The following OPCML variants were observed in gnomAD, a reference collection of about 807,000 sequenced individuals.
OPCML encodes the protein opioid binding protein/cell adhesion molecule like, also known as opioid-binding protein/cell adhesion molecule.
OPCML carries 13 observed loss-of-function variants against 37.8 expected under a neutral mutation model. That is an observed-to-expected ratio of 0.34 (90% CI 0.22 to 0.55). The LOEUF is 0.55. Ranked by LOEUF, OPCML falls within the 20% of genes least tolerant of loss-of-function variation. The pLI, the probability that OPCML is intolerant of heterozygous loss-of-function variation, is 0.91. For synonymous variants in OPCML, 176 were observed against 168.8 expected (o/e 1.04, Z -0.33); for missense variants, 341 against 435.6 (o/e 0.78, Z 1.93).
At chr11:132,776,369 CT>C (rs1187204537) in intron 2 of OPCML, among the ~76,000 whole-genome samples, 1 of 152,154 alleles carries the variant, frequency 6.6e-6, no homozygotes, top group Non-Finnish European at 1.5e-5. Flanking sequence ...AAGACTGTAG[CT>C]GTGATATGGT....
intron 1 of OPCML, among the ~76,000 whole-genome samples, chr11:133,320,160 T>C (rs1201485209): frequency 6.6e-6 from 1 of 152,232 alleles, no homozygotes; most frequent in African/African-American, 2.4e-5. Flanking sequence ...CCCTAATATG[T>C]ACTGAAACTC....
intron 2 of OPCML, among the ~76,000 whole-genome samples, chr11:132,917,172 G>C (rs924920322): frequency 2.0e-5 from 3 of 152,132 alleles, no homozygotes; most frequent in Non-Finnish European, 4.4e-5. Flanking sequence ...TGATTATTAA[G>C]ACACCGTAAC....
chr11:133,400,415 G>T (rs528972674), intron 1 of OPCML, among the ~76,000 whole-genome samples: 1 of 152,112 alleles, frequency 6.6e-6, no homozygotes, highest in Non-Finnish European at 1.5e-5. Flanking sequence ...TGCTCCTTCC[G>T]CTAAATTATT....
intron 3 of OPCML, among the ~76,000 whole-genome samples, chr11:132,586,707 A>C (rs1476921912): frequency 1.3e-5 from 2 of 152,226 alleles, no homozygotes; most frequent in African/African-American, 4.8e-5. Flanking sequence ...TGTGCTCAAT[A>C]GAACAGATGA....
intron 1 of OPCML, among the ~76,000 whole-genome samples, chr11:133,511,573 T>A (rs1031183546): frequency 6.6e-6 from 1 of 152,106 alleles, no homozygotes; most frequent in African/African-American, 2.4e-5. Context: ...GGAATGCCCT[T>A]TCCAAACTCC....
chr11:133,252,542 T>G (rs2136436692), intron 1 of OPCML, among the ~76,000 whole-genome samples: 1 of 152,318 alleles, frequency 6.6e-6, no homozygotes, highest in South Asian at 2.1e-4. Context: ...GTCCCATTTC[T>G]GATTAACTCT....
intron 1 of OPCML, among the ~76,000 whole-genome samples, chr11:133,074,133 C>T (rs764662912): frequency 6.6e-6 from 1 of 152,306 alleles, no homozygotes; most frequent in Non-Finnish European, 1.5e-5. Flanking sequence ...TAAGTCAATC[C>T]ACATTTCTTT....
At chr11:133,202,961 C>G (rs928004799) in intron 1 of OPCML, among the ~76,000 whole-genome samples, 23 of 152,340 alleles carry the variant, frequency 1.5e-4, no homozygotes, top group African/African-American at 4.8e-4. Context: ...TTAGTATCTT[C>G]TGTGTGTCAG....
At chr11:133,161,089 G>A (rs1429255919) in intron 1 of OPCML, among the ~76,000 whole-genome samples, 2 of 152,108 alleles carry the variant, frequency 1.3e-5, no homozygotes, top group Admixed American at 6.5e-5. Flanking sequence ...TCTCTTAATC[G>A]ACTAAAGGGA....
chr11:133,508,522 G>A (rs1211447883), intron 1 of OPCML, among the ~76,000 whole-genome samples: 3 of 152,194 alleles, frequency 2.0e-5, no homozygotes, highest in Non-Finnish European at 4.4e-5. Context: ...ACCTCTGCAA[G>A]CTCAGCAGCC....
intron 2 of OPCML, among the ~76,000 whole-genome samples, chr11:132,911,634 T>C (rs932559598): frequency 6.6e-6 from 1 of 152,180 alleles, no homozygotes; most frequent in Non-Finnish European, 1.5e-5. Context: ...CCATGAGCCT[T>C]GGCATCACAT....
chr11:133,183,576 C>T (rs539935095), intron 1 of OPCML, among the ~76,000 whole-genome samples: 1 of 152,254 alleles, frequency 6.6e-6, no homozygotes, highest in Non-Finnish European at 1.5e-5. Flanking sequence ...CTCTTCCACT[C>T]ATTTATTAAG....
At chr11:133,300,798 A>T (rs1438661391) in intron 1 of OPCML, 1 of 152,248 alleles carries the variant, frequency 6.6e-6, no homozygotes, top group Non-Finnish European at 1.5e-5. Flanking sequence ...GCGTGATTTC[A>T]TAAAGACAGA....
intron 1 of OPCML, among the ~76,000 whole-genome samples, chr11:133,260,492 G>C (rs145073043): frequency 6.6e-6 from 1 of 152,080 alleles, no homozygotes; most frequent in South Asian, 2.1e-4. Flanking sequence ...AGGTGTTGAA[G>C]GTGGAGCTCT....
intron 2 of OPCML, among the ~76,000 whole-genome samples, chr11:132,658,479 G>T (rs1239233901): frequency 1.3e-5 from 2 of 152,300 alleles, no homozygotes; most frequent in South Asian, 2.1e-4. Flanking sequence ...CACCTGGCCT[G>T]CATGGCTCAG....
intron 2 of OPCML, among the ~76,000 whole-genome samples, chr11:132,891,283 C>T (rs548189551): frequency 1.3e-5 from 2 of 152,264 alleles, no homozygotes; most frequent in East Asian, 3.9e-4. Flanking sequence ...TGCTGTTCCT[C>T]TCCTACCAGA....
chr11:132,911,220 G>A (rs562524574), intron 2 of OPCML, among the ~76,000 whole-genome samples: 140 of 152,292 alleles, frequency 9.2e-4, no homozygotes, highest in Admixed American at 2.6e-3. Context: ...TCAACTTTGC[G>A]AAGAATTTCA....
At chr11:132,554,880 T>TC in intron 3 of OPCML, among the ~76,000 whole-genome samples, 1 of 139,590 alleles carries the variant, frequency 7.2e-6, no homozygotes, top group South Asian at 2.5e-4. Context: ...TTTTTTTTTT[T>TC]TTTTTTTTTT....
In OPCML at chr11:133,144,341, A is replaced by G. The variant is rs146863300; in HGVS notation, c.62-201331T>C. The stretch of plus-strand genomic sequence containing the variant: ...CCAGCCCAAAGGGAGACACACATCC[A>G]TGCCATTAAGCAACCCCTTGCCCCT... On this transcript the variant is annotated intron_variant, in intron 1 of 7. Coordinates refer to ENST00000524381, the MANE Select transcript of OPCML (RefSeq NM_001012393.5). 3.6e-3 allele frequency among the ~76,000 whole-genome samples: 551 copies of G among 152,308 alleles called. 2 individuals are homozygous for G. The highest frequency in any genetic ancestry group is 0.013 in the African/African-American group (521 of 41,576).
Sources: gnomAD v4.1 joint callset for allele counts (sites outside exome capture counted in the v4.1 genomes callset) on GRCh38, gnomAD v4.1.1 for gene constraint, MANE v1.5 for transcripts, NCBI Gene and HGNC (gene_info 2026-07-23, HGNC 2026-07-21) for gene names.